VAT1L: variants seen among roughly 807,000 people sequenced by gnomAD.
VAT1L encodes the protein putative NADPH-dependent quinone oxidoreductase VAT1L.
In VAT1L, 34 loss-of-function variants were observed where a neutral mutation model predicts 44.1. That is an observed-to-expected ratio of 0.77 (90% confidence interval 0.59 to 1.03). The LOEUF is 1.03. Among genes scored for constraint, VAT1L ranks in the 50% least tolerant of loss-of-function variants. VAT1L has a pLI of 0.00. For missense variants in VAT1L, 615 were observed against 538.8 expected, an observed-to-expected ratio of 1.14 and a Z score of -1.40; for synonymous variants, 253 against 202.2, an observed-to-expected ratio of 1.25 and a Z score of -2.13.
intron 4 of VAT1L, among the ~76,000 whole-genome samples, chr16:77,875,826 T>C (rs764546776): frequency 2.0e-5 from 3 of 152,172 alleles, no homozygotes; most frequent in Non-Finnish European, 4.4e-5. Flanking sequence ...ATGTTTTCAC[T>C]GTAAAGGGAG....
chr16:77,970,415 A>T (rs923997818), intron 7 of VAT1L, among the ~76,000 whole-genome samples: 15 of 152,236 alleles, frequency 9.9e-5, no homozygotes, highest in African/African-American at 3.6e-4. Flanking sequence ...TTATTTTAGT[A>T]TATGTGTGTT....
chr16:77,837,793 A>G (rs1386338889), intron 3 of VAT1L, among the ~76,000 whole-genome samples: 1 of 152,166 alleles, frequency 6.6e-6, no homozygotes, highest in African/African-American at 2.4e-5. Flanking sequence ...TATCCTTATT[A>G]TATGGCATTT....
intron 7 of VAT1L, among the ~76,000 whole-genome samples, chr16:77,941,166 G>T (rs969740848): frequency 6.6e-6 from 1 of 152,074 alleles, no homozygotes; most frequent in Non-Finnish European, 1.5e-5. Context: ...TTGTACTAAG[G>T]TGGTACCTGG....
At chr16:77,903,734 CTTTTT>C (rs552342074) in intron 7 of VAT1L, among the ~76,000 whole-genome samples, 17 of 124,366 alleles carry the variant, frequency 1.4e-4, no homozygotes, top group African/African-American at 6.0e-5. Context: ...TCTCTCATTA[CTTTTT>C]TTTTTTTTTT....
chr16:77,970,411 T>C (rs1426917775), intron 7 of VAT1L, among the ~76,000 whole-genome samples: 1 of 152,364 alleles, frequency 6.6e-6, no homozygotes, highest in East Asian at 1.9e-4. Context: ...CTAGTTATTT[T>C]AGTATATGTG....
chr16:77,934,010 T>TATTATTTCTGTGCAATAG (rs1279618206), intron 7 of VAT1L, among the ~76,000 whole-genome samples: 5 of 152,182 alleles, frequency 3.3e-5, no homozygotes, highest in Non-Finnish European at 2.9e-5. Flanking sequence ...CCTTTTCTAT[T>TATTATTTCTGTGCAATAG]ATTATTTCTG....
chr16:77,977,549 C>G (rs750071457), intron 8 of VAT1L, 48 bp from the exon 9 acceptor site: 4 of 1,585,326 alleles, frequency 2.5e-6, no homozygotes, highest in Middle Eastern at 1.7e-4. Flanking sequence ...TCAGAGATGA[C>G]GAGGCTGGGT....
chr16:77,898,073 G>A (rs1026582021), intron 7 of VAT1L, among the ~76,000 whole-genome samples: 3 of 152,086 alleles, frequency 2.0e-5, no homozygotes, highest in Admixed American at 6.6e-5. Context: ...CTTAGGTCTG[G>A]CAATCTTTGG....
At chr16:77,804,577 C>G (rs192406009) in intron 1 of VAT1L, among the ~76,000 whole-genome samples, 1 of 152,302 alleles carries the variant, frequency 6.6e-6, no homozygotes, top group Non-Finnish European at 1.5e-5. Flanking sequence ...AGCTATATTA[C>G]CCTCATCATC....
intron 7 of VAT1L, among the ~76,000 whole-genome samples, chr16:77,950,084 A>C (rs1383829940): frequency 1.3e-5 from 2 of 152,174 alleles, no homozygotes; most frequent in Non-Finnish European, 2.9e-5. Flanking sequence ...TTATCCAATG[A>C]ACATGTGCTC....
At chr16:77,948,195 A>C (rs1405272937) in intron 7 of VAT1L, among the ~76,000 whole-genome samples, 1 of 152,208 alleles carries the variant, frequency 6.6e-6, no homozygotes, top group Non-Finnish European at 1.5e-5. Context: ...GACTGTCTCC[A>C]TGGCCACCTT....
At chr16:77,942,716 G>A (rs1461918270) in intron 7 of VAT1L, among the ~76,000 whole-genome samples, 4 of 152,036 alleles carry the variant, frequency 2.6e-5, no homozygotes, top group Admixed American at 2.6e-4. Flanking sequence ...TAACCACCCT[G>A]TTTTTTGTTG....
chr16:77,955,869 G>A (rs1035948264), intron 7 of VAT1L, among the ~76,000 whole-genome samples: 6 of 151,978 alleles, frequency 3.9e-5, no homozygotes, highest in African/African-American at 1.2e-4. Flanking sequence ...TTCCTTCTTC[G>A]CTCTCCATTG....
chr16:77,820,205 C>A (rs748580310), intron 2 of VAT1L, among the ~76,000 whole-genome samples: 1 of 152,126 alleles, frequency 6.6e-6, no homozygotes, highest in Non-Finnish European at 1.5e-5. Context: ...GACTCCCGCA[C>A]CTGGTCAGAT....
At chr16:77,951,471 A>G (rs911181429) in intron 7 of VAT1L, among the ~76,000 whole-genome samples, 2 of 152,138 alleles carry the variant, frequency 1.3e-5, no homozygotes, top group African/African-American at 4.8e-5. Flanking sequence ...GCTTGAACCC[A>G]AGAAGTGGGG....
At chr16:77,970,105 G>C (rs900697623) in intron 7 of VAT1L, among the ~76,000 whole-genome samples, 2 of 148,078 alleles carry the variant, frequency 1.4e-5, no homozygotes, top group African/African-American at 5.0e-5. Context: ...ACGTGGTGAC[G>C]CTTGCCAGTA....
chr16:77,937,299 G>T (rs929922547), intron 7 of VAT1L, among the ~76,000 whole-genome samples: 4 of 152,184 alleles, frequency 2.6e-5, no homozygotes, highest in African/African-American at 7.2e-5. Flanking sequence ...GGAAAAGATG[G>T]GCGGGTGGCC....
intron 7 of VAT1L, among the ~76,000 whole-genome samples, chr16:77,904,374 G>T (rs898541297): frequency 6.6e-6 from 1 of 152,062 alleles, no homozygotes; most frequent in East Asian, 1.9e-4. Context: ...AGACTGAGTG[G>T]CTTAAACAAT....
rs578144864 is a variant in VAT1L, at chr16:77,806,606, G to A, written c.234-10315G>A. On this transcript the variant is annotated intron_variant, in intron 1 of 8. Coordinates refer to ENST00000302536, the MANE Select transcript of VAT1L (RefSeq NM_020927.3). Reference sequence around the variant, plus strand: ...GATCTGCCCGCCTCGGCCTCCCAAAGTGTTGGGATTACAGGCGTGAGCCAC... The same window carrying A: ...GATCTGCCCGCCTCGGCCTCCCAAAATGTTGGGATTACAGGCGTGAGCCAC... Among the ~76,000 whole-genome samples the A allele has an allele frequency of 6.6e-5, 10 of 152,326 alleles. No homozygotes were observed. In the East Asian group the frequency reaches 1.9e-3, roughly 29 times the overall value.
Sources: allele counts gnomAD v4.1 joint callset (sites outside exome capture counted in the v4.1 genomes callset), GRCh38; gene constraint gnomAD v4.1.1; transcripts MANE v1.5; gene names NCBI Gene and HGNC (gene_info 2026-07-23, HGNC 2026-07-21).